TXLNB: variants seen among roughly 807,000 people sequenced by gnomAD.
The protein encoded by TXLNB is beta-taxilin.
In TXLNB, 37 loss-of-function variants were observed where a neutral mutation model predicts 57.4. The observed-to-expected ratio is 0.64, with a 90% CI of 0.50 to 0.85. The LOEUF (loss-of-function observed/expected upper bound fraction) is 0.85. Ranked by LOEUF, TXLNB falls within the 40% of genes least tolerant of loss-of-function variation. The pLI, the probability that TXLNB is intolerant of heterozygous loss-of-function variation, is 0.00. For synonymous variants in TXLNB, 302 were observed against 309.6 expected (o/e 0.98, Z 0.26); for missense variants, 848 against 825.6 (o/e 1.03, Z -0.33).
At chr6:139,218,655 G>A in the TXLNB span, among the ~76,000 whole-genome samples, 1 of 152,188 alleles carries the variant, frequency 6.6e-6, no homozygotes, top group South Asian at 2.1e-4. Context: ...GGGAGGCCGA[G>A]GGAGGAGAAT....
At chr6:139,186,240 T>G in the TXLNB span, among the ~76,000 whole-genome samples, 158 of 152,282 alleles carry the variant, frequency 1.0e-3, no homozygotes, top group African/African-American at 3.5e-3. Context: ...ATAGATTAGA[T>G]GTTATTAAAA....
chr6:139,186,573 A>G, the TXLNB span, among the ~76,000 whole-genome samples: 1 of 152,292 alleles, frequency 6.6e-6, no homozygotes, highest in East Asian at 1.9e-4. Flanking sequence ...TTTTCTTAAA[A>G]AGTTAAACAT....
chr6:139,162,424 G>A, the TXLNB span, among the ~76,000 whole-genome samples: 1 of 152,160 alleles, frequency 6.6e-6, no homozygotes, highest in East Asian at 1.9e-4. Flanking sequence ...TTATACAGAG[G>A]AAACTGACAC....
chr6:139,209,459 T>G, the TXLNB span, among the ~76,000 whole-genome samples: 30 of 152,216 alleles, frequency 2.0e-4, no homozygotes, highest in East Asian at 5.6e-3. Flanking sequence ...AAAATTCATA[T>G]GGAACCAAAA....
chr6:139,178,311 T>C, the TXLNB span: 4 of 152,164 alleles, frequency 2.6e-5, no homozygotes, highest in Non-Finnish European at 5.9e-5. Flanking sequence ...TTTGGTTCAG[T>C]AGATTTTAAT....
chr6:139,185,310 A>G, the TXLNB span, among the ~76,000 whole-genome samples: 11 of 152,204 alleles, frequency 7.2e-5, no homozygotes, highest in Non-Finnish European at 1.2e-4. Context: ...GCTCAGAAAC[A>G]CTGGCAGTAG....
the TXLNB span, among the ~76,000 whole-genome samples, chr6:139,160,641 C>T: frequency 6.6e-6 from 1 of 152,176 alleles, no homozygotes; most frequent in Non-Finnish European, 1.5e-5. Context: ...TCTCTAACTC[C>T]TGGCCGCAAG....
chr6:139,163,203 C>G, the TXLNB span, among the ~76,000 whole-genome samples: 2 of 152,198 alleles, frequency 1.3e-5, no homozygotes, highest in East Asian at 3.9e-4. Context: ...GGGCTGGCCT[C>G]TACGGGATGG....
Position 139,262,565 on chromosome 6 carries a change from G to A in TXLNB, c.882+14C>T, listed in dbSNP as rs1267670164. On this transcript the variant is annotated intron_variant, in intron 5 of 9. Coordinates refer to ENST00000358430, the MANE Select transcript of TXLNB (RefSeq NM_153235.4). ...ATCTATGTACTGTTCTAAGTTGTTT[G>A]ATGTGGTTCTCACCTCCTCTCTGAG... 6.2e-7 allele frequency: 1 copy of A among 1,606,402 alleles called. No homozygotes were observed. The highest frequency in any genetic ancestry group is 8.5e-7 in the Non-Finnish European group (1 of 1,176,326).
At chr6:139,227,388 T>C in the TXLNB span, among the ~76,000 whole-genome samples, 5 of 151,618 alleles carry the variant, frequency 3.3e-5, no homozygotes, top group Non-Finnish European at 5.9e-5. Flanking sequence ...GATATTACTA[T>C]ACGCTTCCAA....
chr6:139,296,835 T>A (rs146281504), upstream of TXLNB, among the ~76,000 whole-genome samples: 1 of 152,124 alleles, frequency 6.6e-6, no homozygotes, highest in Admixed American at 6.5e-5. Flanking sequence ...GAGGATCATT[T>A]GAATGCAGGA....
the TXLNB span, among the ~76,000 whole-genome samples, chr6:139,319,989 G>A: frequency 6.6e-5 from 10 of 151,862 alleles, no homozygotes; most frequent in African/African-American, 2.4e-4. Context: ...TTAGCTTATG[G>A]CCATATATAT....
chr6:139,197,385 T>C, the TXLNB span, among the ~76,000 whole-genome samples: 44 of 152,290 alleles, frequency 2.9e-4, 1 homozygote, highest in Admixed American at 2.7e-3. Flanking sequence ...TTCACTGCTG[T>C]ATTCCCAGTA....
chr6:139,182,564 A>G, the TXLNB span, among the ~76,000 whole-genome samples: 559 of 152,306 alleles, frequency 3.7e-3, 6 homozygotes, highest in African/African-American at 0.013. Flanking sequence ...GCTGTTTAGT[A>G]AAGGGTTAAA....
chr6:139,278,931 G>C (rs1776973904), intron 2 of TXLNB, among the ~76,000 whole-genome samples: 1 of 152,172 alleles, frequency 6.6e-6, no homozygotes, highest in African/African-American at 2.4e-5. Flanking sequence ...TTGAACCCAG[G>C]AGGCAGAGAT....
upstream of TXLNB, among the ~76,000 whole-genome samples, chr6:139,293,667 A>G (rs777738017): frequency 6.6e-6 from 1 of 152,064 alleles, no homozygotes; most frequent in Non-Finnish European, 1.5e-5. Context: ...AACAAAAGGA[A>G]ATGAAAACAT....
the TXLNB span, chr6:139,199,994 T>A: frequency 3.3e-5 from 5 of 152,336 alleles, no homozygotes; most frequent in South Asian, 1.0e-3. Flanking sequence ...CTCTGAAATC[T>A]ATCAATGTCT....
chr6:139,248,083 T>A (rs1385523971), intron 7 of TXLNB, among the ~76,000 whole-genome samples, 174 bp from the exon 8 acceptor site: 1 of 151,714 alleles, frequency 6.6e-6, no homozygotes, highest in Non-Finnish European at 1.5e-5. Flanking sequence ...TAAAGAAAAA[T>A]GGAAAAATAG....
intron 2 of TXLNB, among the ~76,000 whole-genome samples, chr6:139,277,876 T>C (rs1439996887): frequency 6.6e-6 from 1 of 152,124 alleles, no homozygotes; most frequent in Non-Finnish European, 1.5e-5. Context: ...CTTAAGAAAA[T>C]TGACAACCTT....
Sources: allele counts gnomAD v4.1 joint callset (sites outside exome capture counted in the v4.1 genomes callset), GRCh38; gene constraint gnomAD v4.1.1; transcripts MANE v1.5; gene names NCBI Gene and HGNC (gene_info 2026-07-23, HGNC 2026-07-21).